The following NR5A2 variants were observed in gnomAD, a reference collection of about 807,000 sequenced individuals.
The protein encoded by NR5A2 is CYP7A promoter-binding factor.
A neutral mutation model predicts 62.7 loss-of-function variants in NR5A2; 26 were observed. That is an observed-to-expected ratio of 0.41 (90% CI 0.30 to 0.58). The LOEUF is 0.58. NR5A2 is among the 20% of genes least tolerant of loss of function. The pLI is 0.22. For missense variants in NR5A2, 541 were observed against 669.1 expected (o/e 0.81, Z 2.11); for synonymous variants, 246 against 241.7 (o/e 1.02, Z -0.16).
chr1:200,065,253 C>T (rs188195468), intron 5 of NR5A2, among the ~76,000 whole-genome samples: 71 of 152,284 alleles, frequency 4.7e-4, no homozygotes, highest in Non-Finnish European at 8.4e-4. Flanking sequence ...AAGTGATTCT[C>T]TAGCCTCAGC....
chr1:200,056,541 GT>G (rs1011768322), intron 5 of NR5A2, among the ~76,000 whole-genome samples: 2 of 151,928 alleles, frequency 1.3e-5, no homozygotes, highest in African/African-American at 4.8e-5. Context: ...TGTCCTTAGA[GT>G]TTTTTTTGTT....
At chr1:200,090,495 C>T (rs1481881697) in intron 5 of NR5A2, among the ~76,000 whole-genome samples, 1 of 152,160 alleles carries the variant, frequency 6.6e-6, no homozygotes, top group Non-Finnish European at 1.5e-5. Context: ...CAAATAACAT[C>T]TTGGTGTAAT....
At chr1:200,166,709 G>T (rs545689164) in intron 7 of NR5A2, among the ~76,000 whole-genome samples, 2 of 152,138 alleles carry the variant, frequency 1.3e-5, no homozygotes, top group African/African-American at 4.8e-5. Context: ...AGCATACAAG[G>T]ACTTTAGAGT....
At chr1:200,094,640 C>A (rs1334926635) in intron 5 of NR5A2, among the ~76,000 whole-genome samples, 1 of 139,348 alleles carries the variant, frequency 7.2e-6, no homozygotes, top group Non-Finnish European at 1.5e-5. Flanking sequence ...TCATGCCATT[C>A]TCCTGCCTCA....
At chr1:200,080,938 A>G (rs895072360) in intron 5 of NR5A2, among the ~76,000 whole-genome samples, 2 of 152,240 alleles carry the variant, frequency 1.3e-5, no homozygotes, top group African/African-American at 4.8e-5. Context: ...AATAATGATT[A>G]CACAGATGTC....
chr1:200,048,163 C>T lies in NR5A2; in HGVS notation c.464-9C>T. Reference sequence around the variant, plus strand: ...CTTTCCTTCCTTCCCCCCACCCCACCCCCAACAGCTGTAAGGGCCGACCGA... The same window carrying T: ...CTTTCCTTCCTTCCCCCCACCCCACTCCCAACAGCTGTAAGGGCCGACCGA... On this transcript the variant is annotated splice_polypyrimidine_tract_variant and intron_variant, in intron 4 of 7. Coordinates refer to ENST00000367362, the MANE Select transcript of NR5A2 (RefSeq NM_205860.3). This position sits in a 1 kb window ranked among gnomAD's most constrained non-coding sequence, Gnocchi z 4.8. The T allele has an allele frequency of 1.3e-6, 2 of 1,584,996 alleles. No individual in the cohort carries two copies. The highest frequency in any genetic ancestry group is 4.5e-5 in the East Asian group (2 of 44,478).
intron 5 of NR5A2, among the ~76,000 whole-genome samples, chr1:200,078,636 TG>T (rs1664150075): frequency 6.6e-6 from 1 of 152,238 alleles, no homozygotes; most frequent in South Asian, 2.1e-4. Flanking sequence ...TAGCCATTTA[TG>T]GGTCATTCTA....
chr1:200,155,314 A>T (rs1653325039), intron 7 of NR5A2, among the ~76,000 whole-genome samples: 1 of 152,258 alleles, frequency 6.6e-6, no homozygotes, highest in South Asian at 2.1e-4. Context: ...CAAATGGCAC[A>T]TTCATTAAGT....
intron 7 of NR5A2, among the ~76,000 whole-genome samples, chr1:200,170,436 C>A (rs970177831): frequency 1.3e-5 from 2 of 152,174 alleles, no homozygotes; most frequent in Non-Finnish European, 1.5e-5. Flanking sequence ...CGAGGAAACA[C>A]ACTTAAGTTT....
At chr1:200,073,179 T>C (rs1244569745) in intron 5 of NR5A2, among the ~76,000 whole-genome samples, 1 of 150,280 alleles carries the variant, frequency 6.7e-6, no homozygotes, top group Non-Finnish European at 1.5e-5. Flanking sequence ...AAGTCAGGTT[T>C]CAGTTTCACC....
chr1:200,174,124 G>A lies in NR5A2; in HGVS notation c.1540G>A (p.Glu514Lys). The change falls in exon 8 of 8, where the codon GAA becomes AAA. Residue 514 changes from glutamate (E) to lysine (K), a missense_variant. Glu to Lys is a moderately conservative substitution (Grantham distance 56, BLOSUM62 1). Around this residue, in one of 3 missense-constraint regions of NR5A2, gnomAD observed 379 missense variants for 442.0 expected, o/e 0.86. Coordinates refer to ENST00000367362, the MANE Select transcript of NR5A2 (RefSeq NM_205860.3). Reference sequence around the variant, plus strand: ...AATCCGGGCCATCAGTATGCAGGCTGAAGAATACCTCTACTACAAGCACCT... The same window carrying A: ...AATCCGGGCCATCAGTATGCAGGCTAAAGAATACCTCTACTACAAGCACCT... ...PEIRAISMQAEEYLYYKHLNG... is the reference protein window; with the variant it reads ...PEIRAISMQAKEYLYYKHLNG... 2 of 1,613,780 alleles carry A rather than the reference G, an allele frequency of 1.2e-6. No individual in the cohort carries two copies. Among genetic ancestry groups the A allele is most frequent in the Non-Finnish European group, 1.7e-6 (2 of 1,179,952 alleles).
chr1:200,041,237 A>G (rs985993230), intron 2 of NR5A2, among the ~76,000 whole-genome samples: 3 of 152,132 alleles, frequency 2.0e-5, no homozygotes, highest in Non-Finnish European at 4.4e-5. Context: ...GAGAGCGGAG[A>G]GAGAAATGTT....
At chr1:200,150,407 T>C (rs1016897039) in intron 7 of NR5A2, among the ~76,000 whole-genome samples, 1 of 152,248 alleles carries the variant, frequency 6.6e-6, no homozygotes, top group African/African-American at 2.4e-5. Context: ...TTAATGCCTC[T>C]ATGCTACAAC....
intron 5 of NR5A2, among the ~76,000 whole-genome samples, chr1:200,107,186 CAAT>C (rs1665719974): frequency 1.7e-5 from 2 of 116,060 alleles, no homozygotes; most frequent in Admixed American, 8.9e-5. Context: ...TACAAACAAA[CAAT>C]GAAAGAGTTG....
intron 7 of NR5A2, among the ~76,000 whole-genome samples, chr1:200,125,525 A>C (rs1003139656): frequency 6.6e-6 from 1 of 152,168 alleles, no homozygotes; most frequent in Non-Finnish European, 1.5e-5. Context: ...ACTGCATGCT[A>C]AATGTCCTCA....
At position 200,116,191 on chromosome 1, in the gene NR5A2, T is replaced by C. The variant is rs903912193; in HGVS notation, c.1231-4617T>C. Among the ~76,000 whole-genome samples, 4 of 152,170 alleles carry C rather than the reference T, an allele frequency of 2.6e-5. No individual in the cohort carries two copies. The East Asian group carries it at 7.7e-4, about 29-fold the overall frequency. On this transcript the variant is annotated intron_variant, in intron 6 of 7. Coordinates refer to ENST00000367362, the MANE Select transcript of NR5A2 (RefSeq NM_205860.3). ...CACCAGACAGTGATTTTGTTTCACC[T>C]TGAAAGCATGTATGTCATGTCTACA...
At chr1:200,130,318 GAAGAAA>G (rs1414328860) in intron 7 of NR5A2, among the ~76,000 whole-genome samples, 5 of 35,316 alleles carry the variant, frequency 1.4e-4, no homozygotes, top group African/African-American at 4.3e-4. Flanking sequence ...AGAAGAAGAA[GAAGAAA>G]AAAAAAATCC....
chr1:200,109,205 C>T (rs958041554), intron 5 of NR5A2, among the ~76,000 whole-genome samples: 4 of 152,156 alleles, frequency 2.6e-5, no homozygotes, highest in Non-Finnish European at 5.9e-5. Context: ...TCAGAACATA[C>T]TGGTTTGAAA....
intron 5 of NR5A2, among the ~76,000 whole-genome samples, chr1:200,076,335 C>T (rs1287034357): frequency 6.6e-6 from 1 of 152,040 alleles, no homozygotes; most frequent in Admixed American, 6.6e-5. Context: ...GTGTGGGAGT[C>T]GGAAACAGAT....
Sources: allele counts gnomAD v4.1 joint callset (sites outside exome capture counted in the v4.1 genomes callset), GRCh38; gene constraint gnomAD v4.1.1; regional missense constraint gnomAD v4.1.1; non-coding constraint Gnocchi (gnomAD v3.1); transcripts MANE v1.5; gene names NCBI Gene and HGNC (gene_info 2026-07-23, HGNC 2026-07-21).